STRN: variants seen among roughly 807,000 people sequenced by gnomAD.
STRN encodes striatin.
In STRN, 53 loss-of-function variants were observed where a neutral mutation model predicts 96.3. The observed-to-expected ratio is 0.55, with a 90% CI of 0.44 to 0.69. The LOEUF (loss-of-function observed/expected upper bound fraction) is 0.69, where lower values mean the gene tolerates loss of function less well. STRN is among the 30% of genes least tolerant of loss of function. The pLI is 0.00. For synonymous variants in STRN, 428 were observed against 355.9 expected, an observed-to-expected ratio of 1.20 and a Z score of -2.28; for missense variants, 987 against 963.9, an observed-to-expected ratio of 1.02 and a Z score of -0.32.
At chr2:36,925,419 A>G (rs1670383279) in intron 1 of STRN, among the ~76,000 whole-genome samples, 1 of 152,184 alleles carries the variant, frequency 6.6e-6, no homozygotes, top group African/African-American at 2.4e-5. Flanking sequence ...ATCTAAATGC[A>G]TTTTACTTCA....
chr2:36,843,362 G>T lies in STRN; in HGVS notation c.*6094C>A, dbSNP rs1489924410. ...CTTGAAAAATAATGTTGATTTGAAG[G>T]GGCAGGGAGTGTGGAAGGCTTGTGT... is the stretch of plus-strand genomic sequence containing the variant. On this transcript the variant is annotated 3_prime_UTR_variant, in exon 18 of 18. Transcript: ENST00000263918. Among the ~76,000 whole-genome samples the T allele has an allele frequency of 3.3e-5, 5 of 152,214 alleles. No homozygotes were observed. The East Asian group carries it at 5.8e-4, about 18-fold the overall frequency.
chr2:36,885,551 G>C (rs1168234588), intron 8 of STRN, among the ~76,000 whole-genome samples: 3 of 152,046 alleles, frequency 2.0e-5, no homozygotes, highest in African/African-American at 7.2e-5. Context: ...AATCTATCTT[G>C]AGATAGCATT....
intron 1 of STRN, among the ~76,000 whole-genome samples, chr2:36,933,059 TACAC>T (rs61245812): frequency 1.1e-3 from 159 of 148,074 alleles, no homozygotes; most frequent in Admixed American, 5.0e-3. Flanking sequence ...TTTTTTAATT[TACAC>T]ACACACACAC....
intron 1 of STRN, among the ~76,000 whole-genome samples, chr2:36,943,647 AG>A (rs1306077993): frequency 1.3e-5 from 2 of 151,982 alleles, no homozygotes; most frequent in Non-Finnish European, 2.9e-5. Flanking sequence ...TACTAAAAAT[AG>A]AAAAAATTAG....
At position 36,855,226 on chromosome 2, in the gene STRN, G is replaced by C; in HGVS notation, c.1964C>G (p.Ser655Cys). The C allele has an allele frequency of 6.2e-7, 1 of 1,613,512 alleles. No homozygotes were observed. Among genetic ancestry groups the C allele is most frequent in the Non-Finnish European group, 8.5e-7 (1 of 1,179,672 alleles). The stretch of plus-strand genomic sequence containing the variant: ...GGTATGCATACTTGTATCTACATTG[G>C]ATTCTAAAGTGAGAATGCGTTGTTG... ...ETQQRILTLE[S>C]NVDTTANSSC... Residue 655 changes from serine (S) to cysteine (C), a missense_variant, in exon 15 of 18, where the codon TCC (serine) becomes TGC (cysteine). Coordinates refer to ENST00000263918, the MANE Select transcript of STRN (RefSeq NM_003162.4).
rs188257365 is a variant in STRN, at chr2:36,866,384, C to G, written c.1547+1430G>C. ...ACCCAGCCACTGACTTTTATTTTTA[C>G]TGTGTTTGGTCTGAGAGTGTGGTTG... On this transcript the variant is annotated intron_variant, in intron 12 of 17. Transcript: ENST00000263918. Among the ~76,000 whole-genome samples the G allele has an allele frequency of 7.6e-3, 1,162 of 152,250 alleles. 16 individuals carry two copies. Among genetic ancestry groups the G allele is most frequent in the African/African-American group, 0.027 (1,112 of 41,550 alleles).
chr2:36,866,235 T>A (rs1422899393), intron 12 of STRN, among the ~76,000 whole-genome samples: 1 of 152,056 alleles, frequency 6.6e-6, no homozygotes, highest in Non-Finnish European at 1.5e-5. Flanking sequence ...TCACCACTAG[T>A]GGCTGATTTT....
chr2:36,965,826 A>T (rs576736572), intron 1 of STRN, among the ~76,000 whole-genome samples: 4 of 152,272 alleles, frequency 2.6e-5, no homozygotes, highest in African/African-American at 9.6e-5. Context: ...CGTTCTGCGG[A>T]GACTGTCTCT....
Position 36,934,935 on chromosome 2 carries a change from C to T in STRN, c.235-9727G>A, listed in dbSNP as rs1277990946. Among the ~76,000 whole-genome samples, 6 of 152,172 alleles carry T rather than the reference C, an allele frequency of 3.9e-5. No homozygotes were observed. The East Asian group carries it at 5.8e-4, about 15-fold the overall frequency. ...TCTACTGAAAATACAAAAATTAGCC[C>T]GGTGTGGTGGCTCAAAACTGCAGCC... is the stretch of plus-strand genomic sequence containing the variant. On this transcript the variant is annotated intron_variant, in intron 1 of 17. Coordinates refer to ENST00000263918, the MANE Select transcript of STRN (RefSeq NM_003162.4).
intron 1 of STRN, among the ~76,000 whole-genome samples, chr2:36,958,985 G>A (rs1455558960): frequency 3.9e-5 from 6 of 152,048 alleles, no homozygotes; most frequent in East Asian, 1.9e-4. Context: ...GCATGGTGGC[G>A]GGCGTCTGTA....
intron 1 of STRN, among the ~76,000 whole-genome samples, chr2:36,948,391 C>T (rs536759551): frequency 6.8e-4 from 103 of 152,128 alleles, no homozygotes; most frequent in South Asian, 1.7e-3. Context: ...TGATCCACCG[C>T]GTCCAGCCAG....
chr2:36,869,780 G>A (rs748648177), intron 10 of STRN, 51 bp from the exon 11 acceptor site: 210 of 1,368,128 alleles, frequency 1.5e-4, no homozygotes, highest in Non-Finnish European at 1.9e-4. Context: ...AAGGATAGGG[G>A]AAAAAACTTG....
chr2:36,870,156 A>G (rs1254172406), intron 10 of STRN, among the ~76,000 whole-genome samples: 1 of 152,176 alleles, frequency 6.6e-6, no homozygotes, highest in Non-Finnish European at 1.5e-5. Context: ...CTAATAGCTA[A>G]ATTTTCTTCA....
Position 36,961,688 on chromosome 2 carries a change from G to T in STRN, c.234+4542C>A, listed in dbSNP as rs531443559. On this transcript the variant is annotated intron_variant, in intron 1 of 17. Transcript: ENST00000263918. ...AAGTCTGTTCTGAATCCTTACAAGG[G>T]GTCCCTTTTAAAGATGGTGTCACTC... 8.5e-5 allele frequency among the ~76,000 whole-genome samples: 13 copies of T among 152,110 alleles called. No homozygotes were observed. The East Asian group carries it at 2.5e-3, about 29-fold the overall frequency.
In STRN at chr2:36,846,340, A is replaced by G. The variant is rs1408624087; in HGVS notation, c.*3116T>C. On this transcript the variant is annotated 3_prime_UTR_variant, in exon 18 of 18. Transcript: ENST00000263918. ...ATACTCATCATTATCTGCTGTGTAT[A>G]CTACCTCCAAAAATGAAAATACAAA... is the stretch of plus-strand genomic sequence containing the variant. 1 of 140,178 alleles carries G rather than the reference A, an allele frequency of 7.1e-6. No homozygotes were observed. The highest frequency in any genetic ancestry group is 1.5e-5 in the Non-Finnish European group (1 of 65,834). The allele number at this position is 140,178 out of a possible 1,614,324, so 8.7% of individuals were successfully genotyped here.
chr2:36,891,213 A>T (rs1669387815), intron 7 of STRN, among the ~76,000 whole-genome samples: 2 of 152,118 alleles, frequency 1.3e-5, no homozygotes, highest in South Asian at 4.1e-4. Context: ...TAACACCTCA[A>T]CAAGAAGAGT....
intron 15 of STRN, among the ~76,000 whole-genome samples, chr2:36,853,847 A>C (rs1668278751): frequency 1.3e-5 from 2 of 152,220 alleles, no homozygotes; most frequent in Non-Finnish European, 2.9e-5. Context: ...AGTTTTCTTT[A>C]TACAACTTTA....
chr2:36,957,742 G>GTTTTTTTTTTTTTTTTTTTTT lies in STRN; in HGVS notation c.234+8487_234+8488insAAAAAAAAAAAAAAAAAAAAA, dbSNP rs1158709835. 3.9e-5 allele frequency among the ~76,000 whole-genome samples: 4 copies of GTTTTTTTTTTTTTTTTTTTTT among 103,130 alleles called. 1 individual carries two copies. Among genetic ancestry groups the GTTTTTTTTTTTTTTTTTTTTT allele is most frequent in the African/African-American group, 7.1e-5 (2 of 28,188 alleles). 67.7% of individuals were successfully genotyped at this position (103,130 alleles called of 152,430 possible). ...GATTAGTCTCATAGTTCTTCTTTTT[G>GTTTTTTTTTTTTTTTTTTTTT]TCTTTTTTTTTTTTTTTTTTTTTTT... On this transcript the variant is annotated intron_variant, in intron 1 of 17. Coordinates refer to ENST00000263918, the MANE Select transcript of STRN (RefSeq NM_003162.4).
intron 1 of STRN, among the ~76,000 whole-genome samples, chr2:36,963,407 C>A (rs1477698030): frequency 5.3e-5 from 8 of 152,178 alleles, no homozygotes; most frequent in Admixed American, 3.3e-4. Context: ...TTCATCACAA[C>A]GCATTCAACT....
Sources: allele counts gnomAD v4.1 joint callset (sites outside exome capture counted in the v4.1 genomes callset), GRCh38; gene constraint gnomAD v4.1.1; transcripts MANE v1.5; gene names NCBI Gene and HGNC (gene_info 2026-07-23, HGNC 2026-07-21).